Variants in FUT9 observed in about 807,000 individuals in gnomAD.
FUT9 encodes the protein 4-galactosyl-N-acetylglucosaminide 3-alpha-L-fucosyltransferase 9.
Under a neutral mutation model 29.7 loss-of-function variants are expected in FUT9, and 15 were observed. The observed-to-expected ratio is 0.51, with a 90% CI of 0.34 to 0.78. The LOEUF is 0.78. Ranked by LOEUF, FUT9 falls within the 30% of genes least tolerant of loss-of-function variation. The probability of loss-of-function intolerance (pLI) is 0.01; values close to 1 mark genes in which losing one functional copy is unlikely to be tolerated. For synonymous variants in FUT9, 169 were observed against 153.7 expected (o/e 1.10, Z -0.74); for missense variants, 319 against 425.4 (o/e 0.75, Z 2.20).
intron 1 of FUT9, among the ~76,000 whole-genome samples, chr6:96,054,800 T>C (rs9404173): frequency 0.022 from 3,390 of 152,218 alleles, 64 homozygotes; most frequent in East Asian, 0.08. Context: ...AAAAAAATAG[T>C]GCATATATCA....
At chr6:96,193,226 T>C (rs1308626061) in intron 2 of FUT9, among the ~76,000 whole-genome samples, 1 of 138,718 alleles carries the variant, frequency 7.2e-6, no homozygotes. Context: ...ACTAAAGAGC[T>C]TCTGCACAGC....
At chr6:96,109,976 C>T (rs1001102069) in intron 1 of FUT9, among the ~76,000 whole-genome samples, 1 of 152,268 alleles carries the variant, frequency 6.6e-6, no homozygotes, top group Non-Finnish European at 1.5e-5. Flanking sequence ...TTTGAACATG[C>T]AGTGCTTGTT....
chr6:96,175,408 G>T (rs1008150386), intron 2 of FUT9, among the ~76,000 whole-genome samples: 1 of 152,118 alleles, frequency 6.6e-6, no homozygotes, highest in Non-Finnish European at 1.5e-5. Flanking sequence ...TACATTGTCT[G>T]CTAATAAATG....
At chr6:96,031,302 A>G (rs1770256075) in intron 1 of FUT9, among the ~76,000 whole-genome samples, 1 of 151,600 alleles carries the variant, frequency 6.6e-6, no homozygotes, top group Non-Finnish European at 1.5e-5. Flanking sequence ...ACACACATCT[A>G]TATTAATGAA....
At chr6:96,020,895 T>C (rs1014132817) in intron 1 of FUT9, 2 of 152,122 alleles carry the variant, frequency 1.3e-5, no homozygotes, top group Non-Finnish European at 2.9e-5. Context: ...CCTGACATAG[T>C]TTCTTTGGAG....
In FUT9 at chr6:96,214,996, G is replaced by C. The variant is rs1774010582; in HGVS notation, c.*10761G>C. 1 of 166,930 alleles carries C rather than the reference G, an allele frequency of 6.0e-6. No individual in the cohort carries two copies. 10.3% of individuals were successfully genotyped at this position (166,930 alleles called of 1,614,324 possible). Reference sequence around the variant, plus strand: ...AAAGCATTAATTCAAATGAGGAGTAGTCAGTCCTAGCACTGTAGACGCCGA... The same window carrying C: ...AAAGCATTAATTCAAATGAGGAGTACTCAGTCCTAGCACTGTAGACGCCGA... On this transcript the variant is annotated 3_prime_UTR_variant, in exon 3 of 3. Coordinates refer to ENST00000302103, the MANE Select transcript of FUT9 (RefSeq NM_006581.4).
intron 2 of FUT9, among the ~76,000 whole-genome samples, chr6:96,155,104 C>T (rs1390417337): frequency 6.6e-6 from 1 of 152,214 alleles, no homozygotes; most frequent in Non-Finnish European, 1.5e-5. Flanking sequence ...TCTCTCAATT[C>T]TACAGCAGTC....
intron 1 of FUT9, among the ~76,000 whole-genome samples, chr6:96,033,132 A>C (rs1770292972): frequency 6.6e-6 from 1 of 151,714 alleles, no homozygotes; most frequent in Non-Finnish European, 1.5e-5. Flanking sequence ...AGATAAAAAG[A>C]AAGGAAGCGT....
rs72926080 is a variant in FUT9 at position 96,069,038 on chromosome 6, C to T, written c.-97-45001C>T. Among the ~76,000 whole-genome samples, 1,177 of 152,142 alleles carry T rather than the reference C, an allele frequency of 7.7e-3. 14 individuals carry two copies. Among genetic ancestry groups the T allele is most frequent in the South Asian group, 0.014 (67 of 4,806 alleles). ...AATATGATAGTTAAGAATCATTGAC[C>T]GGGCGCAGTGGCTTACGCCTGTCAT... On this transcript the variant is annotated intron_variant, in intron 1 of 2. Coordinates refer to ENST00000302103, the MANE Select transcript of FUT9 (RefSeq NM_006581.4).
chr6:96,064,674 C>T (rs1189262426), intron 1 of FUT9, among the ~76,000 whole-genome samples: 1 of 152,134 alleles, frequency 6.6e-6, no homozygotes, highest in Non-Finnish European at 1.5e-5. Context: ...GATTTGTCCT[C>T]TATTCTTGGC....
intron 2 of FUT9, among the ~76,000 whole-genome samples, chr6:96,161,772 A>G (rs1408460358): frequency 6.6e-6 from 1 of 152,236 alleles, no homozygotes; most frequent in African/African-American, 2.4e-5. Flanking sequence ...CATTATTAAT[A>G]TGTGAATGCC....
intron 1 of FUT9, among the ~76,000 whole-genome samples, chr6:96,065,758 A>G (rs879663163): frequency 5.3e-5 from 8 of 152,262 alleles, no homozygotes; most frequent in Non-Finnish European, 1.2e-4. Flanking sequence ...AATATACTTT[A>G]TTAGAAAGTT....
intron 1 of FUT9, among the ~76,000 whole-genome samples, chr6:96,035,251 G>C (rs1770329945): frequency 6.6e-6 from 1 of 151,370 alleles, no homozygotes; most frequent in South Asian, 2.1e-4. Context: ...GACAAAGTCA[G>C]AGAGAGAGAA....
intron 2 of FUT9, among the ~76,000 whole-genome samples, chr6:96,168,910 C>T (rs375809182): frequency 9.9e-5 from 15 of 152,262 alleles, no homozygotes; most frequent in African/African-American, 3.4e-4. Context: ...GGAATTGGCT[C>T]TCATAGGAAT....
intron 1 of FUT9, among the ~76,000 whole-genome samples, chr6:96,049,586 C>T (rs1257471227): frequency 3.9e-5 from 6 of 152,184 alleles, no homozygotes; most frequent in African/African-American, 1.4e-4. Flanking sequence ...TTTTAATACT[C>T]ATCCATTTGT....
intron 1 of FUT9, among the ~76,000 whole-genome samples, chr6:96,074,940 C>G (rs567794261): frequency 6.6e-6 from 1 of 151,652 alleles, no homozygotes; most frequent in South Asian, 2.1e-4. Flanking sequence ...CCATGGCCAG[C>G]GAATTTTTTT....
intron 2 of FUT9, among the ~76,000 whole-genome samples, chr6:96,177,287 C>T (rs1449612448): frequency 6.6e-6 from 1 of 152,080 alleles, no homozygotes; most frequent in Admixed American, 6.6e-5. Context: ...TCTGAATTTA[C>T]TTATCCTACC....
chr6:96,126,018 T>G (rs1308137085), intron 2 of FUT9, among the ~76,000 whole-genome samples: 3 of 152,192 alleles, frequency 2.0e-5, no homozygotes, highest in African/African-American at 7.2e-5. Context: ...TTTTCCTCCC[T>G]CTTTGTGCTG....
intron 1 of FUT9, among the ~76,000 whole-genome samples, chr6:96,088,368 C>T (rs2127952984): frequency 6.6e-6 from 1 of 152,130 alleles, no homozygotes; most frequent in East Asian, 1.9e-4. Context: ...TACTGAACTT[C>T]TTGGTTCTTT....
Sources: gnomAD v4.1 joint callset for allele counts (sites outside exome capture counted in the v4.1 genomes callset) on GRCh38, gnomAD v4.1.1 for gene constraint, MANE v1.5 for transcripts, NCBI Gene and HGNC (gene_info 2026-07-23, HGNC 2026-07-21) for gene names.